RSPO2: variants seen among roughly 807,000 people sequenced by gnomAD.
RSPO2 encodes the protein R-spondin 2.
In RSPO2, 14 loss-of-function variants were observed where a neutral mutation model predicts 30.9. The ratio of observed to expected loss-of-function variants is 0.45; its 90% CI spans 0.30 to 0.71. The LOEUF (loss-of-function observed/expected upper bound fraction) is 0.71, where lower values mean the gene tolerates loss of function less well. Ranked by LOEUF, RSPO2 falls within the 30% of genes least tolerant of loss-of-function variation. The pLI, the probability that RSPO2 is intolerant of heterozygous loss-of-function variation, is 0.08. For missense variants in RSPO2, 264 were observed against 301.9 expected, an observed-to-expected ratio of 0.87 and a Z score of 0.93; for synonymous variants, 107 against 96.4, an observed-to-expected ratio of 1.11 and a Z score of -0.64.
In RSPO2 at chr8:108,058,447, C is replaced by T. The variant is rs1217942387; in HGVS notation, c.94+24098G>A. On this transcript the variant is annotated intron_variant, in intron 2 of 5. Coordinates refer to ENST00000276659, the MANE Select transcript of RSPO2 (RefSeq NM_178565.5). Reference sequence around the variant, plus strand: ...CCCAAGGTAATTTATAGATTCAATGCTATCCCATCAAGCTACCAATGACTT... The same window carrying T: ...CCCAAGGTAATTTATAGATTCAATGTTATCCCATCAAGCTACCAATGACTT... 4.6e-5 allele frequency among the ~76,000 whole-genome samples: 7 copies of T among 152,140 alleles called. No homozygotes were observed. The East Asian group carries it at 1.2e-3, about 25-fold the overall frequency.
At chr8:107,959,099 T>C (rs1414035527) in intron 4 of RSPO2, among the ~76,000 whole-genome samples, 1 of 152,160 alleles carries the variant, frequency 6.6e-6, no homozygotes, top group Non-Finnish European at 1.5e-5. Context: ...TACAGGCTAG[T>C]TCTAAATTTG....
chr8:107,955,372 G>C (rs1379689418), intron 5 of RSPO2, among the ~76,000 whole-genome samples: 1 of 152,064 alleles, frequency 6.6e-6, no homozygotes, highest in African/African-American at 2.4e-5. Context: ...AAGTTGACAC[G>C]ATGTAGGGAC....
At chr8:107,934,824 T>C (rs1812663152) in intron 5 of RSPO2, among the ~76,000 whole-genome samples, 1 of 152,220 alleles carries the variant, frequency 6.6e-6, no homozygotes, top group South Asian at 2.1e-4. Context: ...TCTCTGAACA[T>C]AAATTGTGAA....
chr8:107,900,014 T>C lies in RSPO2; in HGVS notation c.*1061A>G, dbSNP rs1811392389. 6.7e-6 allele frequency: 1 copy of C among 150,196 alleles called. No homozygotes were observed. The highest frequency in any genetic ancestry group is 2.4e-5 in the African/African-American group (1 of 41,010). 9.3% of individuals were successfully genotyped at this position (150,196 alleles called of 1,614,324 possible). A position where few individuals can be genotyped will look rare whatever the true frequency, so the allele number is the denominator to read the frequency against. On this transcript the variant is annotated 3_prime_UTR_variant, in exon 6 of 6. Transcript: ENST00000276659. The stretch of plus-strand genomic sequence containing the variant: ...CTTGTCATTTAAAGCCAGGGATTGC[T>C]TTAAATTTGGGGGAAAAAAATTGCA...
chr8:108,009,010 T>C (rs1810600826), intron 2 of RSPO2, among the ~76,000 whole-genome samples: 1 of 152,184 alleles, frequency 6.6e-6, no homozygotes, highest in South Asian at 2.1e-4. Context: ...CATGAAAAGA[T>C]GTACAATATA....
chr8:107,983,558 A>C, intron 3 of RSPO2: 1 of 1,600,706 alleles, frequency 6.2e-7, no homozygotes, highest in East Asian at 2.2e-5. Context: ...CTTCAGCAAA[A>C]GAGTGAGCCA....
rs559880194 is a variant in RSPO2, at chr8:108,060,410, G to C, written c.94+22135C>G. ...ATGCAAAAGCTTCAGTAGCCAATTCGATCAACTGGAAAAAGGGTATCAGTG... is the reference window on the plus strand; with the variant it reads ...ATGCAAAAGCTTCAGTAGCCAATTCCATCAACTGGAAAAAGGGTATCAGTG... On this transcript the variant is annotated intron_variant, in intron 2 of 5. Transcript: ENST00000276659. 2.2e-4 allele frequency among the ~76,000 whole-genome samples: 34 copies of C among 151,804 alleles called. No individual in the cohort carries two copies. The South Asian group carries it at 7.1e-3, about 32-fold the overall frequency.
chr8:107,943,590 G>T (rs1269720649), intron 5 of RSPO2, among the ~76,000 whole-genome samples: 2 of 152,296 alleles, frequency 1.3e-5, no homozygotes, highest in Non-Finnish European at 2.9e-5. Context: ...TTCTGATAAA[G>T]TAGAAGCAAA....
At chr8:107,988,059 G>A (rs944110582) in intron 3 of RSPO2, among the ~76,000 whole-genome samples, 2 of 151,946 alleles carry the variant, frequency 1.3e-5, no homozygotes, top group Non-Finnish European at 2.9e-5. Flanking sequence ...TAAAGAAAGG[G>A]ATGTTCCTTT....
intron 5 of RSPO2, among the ~76,000 whole-genome samples, chr8:107,948,110 T>G (rs1813124661): frequency 6.6e-6 from 1 of 152,258 alleles, no homozygotes; most frequent in Non-Finnish European, 1.5e-5. Context: ...CAATGTCATC[T>G]TTACCTGACA....
At chr8:107,944,936 C>T (rs917164381) in intron 5 of RSPO2, among the ~76,000 whole-genome samples, 18 of 151,990 alleles carry the variant, frequency 1.2e-4, no homozygotes, top group African/African-American at 4.4e-4. Flanking sequence ...TCTCTCCAAA[C>T]CCTGAGAAAA....
chr8:108,058,196 T>C (rs1193539802), intron 2 of RSPO2, among the ~76,000 whole-genome samples: 4 of 152,190 alleles, frequency 2.6e-5, no homozygotes, highest in Non-Finnish European at 4.4e-5. Context: ...AGCATTCTTA[T>C]ACACCAATAA....
intron 2 of RSPO2, among the ~76,000 whole-genome samples, chr8:108,046,586 C>A (rs1216618056): frequency 1.3e-5 from 2 of 151,946 alleles, no homozygotes; most frequent in Admixed American, 6.6e-5. Context: ...AAACTTTTTT[C>A]TTGGCCTGAA....
At chr8:108,055,676 G>A (rs1337590121) in intron 2 of RSPO2, among the ~76,000 whole-genome samples, 2 of 152,156 alleles carry the variant, frequency 1.3e-5, no homozygotes, top group African/African-American at 4.8e-5. Context: ...AATGTTATTT[G>A]GAGCCAGGAA....
chr8:107,913,787 A>G lies in RSPO2; in HGVS notation c.617-12597T>C, dbSNP rs77953952. Among the ~76,000 whole-genome samples the G allele has an allele frequency of 6.0e-3, 913 of 152,258 alleles. 9 individuals are homozygous for G. Among genetic ancestry groups the G allele is most frequent in the African/African-American group, 0.021 (878 of 41,564 alleles). ...TCTCCTCAACTGAAAATGGCATTCT[A>G]CTCTCCAGAAAAAGTATAGAGACTG... On this transcript the variant is annotated intron_variant, in intron 5 of 5. Coordinates refer to ENST00000276659, the MANE Select transcript of RSPO2 (RefSeq NM_178565.5).
chr8:108,066,899 T>C (rs891939666), intron 2 of RSPO2, among the ~76,000 whole-genome samples: 2 of 152,096 alleles, frequency 1.3e-5, no homozygotes, highest in African/African-American at 2.4e-5. Context: ...CAACGAGACA[T>C]TGTGTGCCTC....
intron 3 of RSPO2, among the ~76,000 whole-genome samples, chr8:107,972,730 A>G (rs1814044202): frequency 6.6e-6 from 1 of 152,068 alleles, no homozygotes; most frequent in African/African-American, 2.4e-5. Context: ...AACATCAGAT[A>G]TTACTCTTTT....
intron 2 of RSPO2, among the ~76,000 whole-genome samples, chr8:108,043,558 TA>T (rs1447670678): frequency 1.3e-5 from 2 of 151,644 alleles, no homozygotes; most frequent in Non-Finnish European, 2.9e-5. Flanking sequence ...AATTTGGTTC[TA>T]TTTTTTTACT....
At chr8:107,950,016 TCCA>T (rs981051726) in intron 5 of RSPO2, among the ~76,000 whole-genome samples, 1 of 152,176 alleles carries the variant, frequency 6.6e-6, no homozygotes, top group African/African-American at 2.4e-5. Flanking sequence ...GACGACATCG[TCCA>T]CCATGTGATT....
Sources: gnomAD v4.1 joint callset for allele counts (sites outside exome capture counted in the v4.1 genomes callset) on GRCh38, gnomAD v4.1.1 for gene constraint, MANE v1.5 for transcripts, NCBI Gene and HGNC (gene_info 2026-07-23, HGNC 2026-07-21) for gene names.